The following MAPK8IP3 variants were observed in gnomAD, a reference collection of about 807,000 sequenced individuals.
MAPK8IP3 encodes C-Jun-amino-terminal kinase-interacting protein 3.
Under a neutral mutation model 157.8 loss-of-function variants are expected in MAPK8IP3, and 49 were observed. That is an observed-to-expected ratio of 0.31 (90% CI 0.25 to 0.39). The LOEUF (loss-of-function observed/expected upper bound fraction) is 0.39. MAPK8IP3 is among the 10% of genes least tolerant of loss of function. The pLI, the probability that MAPK8IP3 is intolerant of heterozygous loss-of-function variation, is 1.00. For synonymous variants in MAPK8IP3, 897 were observed against 777.7 expected (o/e 1.15, Z -2.55); for missense variants, 1,478 against 1,889.4 (o/e 0.78, Z 4.04).
intron 4 of MAPK8IP3, among the ~76,000 whole-genome samples, chr16:1,737,085 CGTGT>C (rs1429803624): frequency 1.7e-5 from 1 of 58,110 alleles, no homozygotes; most frequent in African/African-American, 6.7e-5. Flanking sequence ...TGTGACCGTC[CGTGT>C]GAGTGTGACC....
chr16:1,746,586 A>G (rs1243814715), intron 5 of MAPK8IP3: 2 of 196,124 alleles, frequency 1.0e-5, no homozygotes, highest in East Asian at 2.9e-4. Context: ...TCTTCAGCAC[A>G]GTGATGGTGA....
Position 1,706,421 on chromosome 16 carries a change from C to T in MAPK8IP3, c.82C>T (p.Arg28Trp), listed in dbSNP as rs779009331. 2 of 1,613,624 alleles carry T rather than the reference C, an allele frequency of 1.2e-6. No individual in the cohort carries two copies. Among genetic ancestry groups the T allele is most frequent in the Non-Finnish European group, 1.7e-6 (2 of 1,179,878 alleles). The change falls in exon 1 of 32, where the codon CGG becomes TGG. Residue 28 changes from arginine (R) to tryptophan (W), a missense_variant. Physicochemically the swap from Arg to Trp is moderately radical, Grantham distance 101. This residue lies in a region of MAPK8IP3 where 65 missense variants were observed against 161.8 expected (regional missense o/e 0.40). Coordinates refer to ENST00000610761, the MANE Select transcript of MAPK8IP3 (RefSeq NM_001318852.2). The surrounding 1 kb of genome is among the most constrained non-coding windows in gnomAD (Gnocchi z 5.1). ...CTGCTCCGGCTCGGTGATGTCGGAG[C>T]GGGTGTCGGGCCTGGCGGGCTCCAT... is the stretch of plus-strand genomic sequence containing the variant. The part of the protein sequence containing the change: ...DYCSGSVMSE[R>W]VSGLAGSIYR...
rs759426657 is a variant in MAPK8IP3 at position 1,762,967 on chromosome 16, T to C, written c.1859T>C (p.Ile620Thr). The stretch of plus-strand genomic sequence containing the variant: ...CGCCGCAACCATGCCATGTGCCCGA[T>C]CTCGGCAGGCAGCCGGCCCCTGGAA... ...SQRRNHAMCP[I>T]SAGSRPLEFF... The change falls in exon 16 of 32, where the codon ATC becomes ACC. Residue 620 changes from isoleucine (I) to threonine (T), a missense_variant. Coordinates refer to ENST00000610761, the MANE Select transcript of MAPK8IP3 (RefSeq NM_001318852.2). 6.2e-7 allele frequency: 1 copy of C among 1,612,918 alleles called. No homozygotes were observed. The highest frequency in any genetic ancestry group is 2.2e-5 in the East Asian group (1 of 44,878).
chr16:1,724,683 T>C lies in MAPK8IP3; in HGVS notation c.439+6T>C. ...CAAGAACTATGCCGATCAGAGTAAG[T>C]GGCTGGCGGGAGCCTGGAGGCGCGC... On this transcript the variant is annotated splice_donor_region_variant and intron_variant, in intron 2 of 31. Transcript: ENST00000610761. This position sits in a 1 kb window ranked among gnomAD's most constrained non-coding sequence, Gnocchi z 4.1. 1 of 1,609,296 alleles carries C rather than the reference T, an allele frequency of 6.2e-7. No homozygotes were observed. Among genetic ancestry groups the C allele is most frequent in the Non-Finnish European group, 8.5e-7 (1 of 1,176,862 alleles).
intron 2 of MAPK8IP3, among the ~76,000 whole-genome samples, chr16:1,728,139 TG>T (rs2039019042): frequency 6.6e-6 from 1 of 152,040 alleles, no homozygotes; most frequent in Admixed American, 6.5e-5. Flanking sequence ...GGACATAGAG[TG>T]GGGTCCCCTG....
intron 4 of MAPK8IP3, among the ~76,000 whole-genome samples, chr16:1,734,150 C>T (rs2039499969): frequency 6.6e-6 from 1 of 152,078 alleles, no homozygotes; most frequent in African/African-American, 2.4e-5. Flanking sequence ...TTACTCTGGC[C>T]CCTGGGCCTC....
Position 1,743,892 on chromosome 16 carries a change from C to T in MAPK8IP3, c.747+416C>T, listed in dbSNP as rs191663700. The T allele has an allele frequency of 2.0e-5, 21 of 1,060,006 alleles. No homozygotes were observed. The highest frequency in any genetic ancestry group is 2.9e-5 in the South Asian group (1 of 34,484). 65.7% of individuals were successfully genotyped at this position (1,060,006 alleles called of 1,614,324 possible). ...AGCCACGCCTCTACTCTCGGAGGAA[C>T]GTCAGTGTCTAGAGTGTGGGGTTTG... On this transcript the variant is annotated intron_variant, in intron 5 of 31. Transcript: ENST00000610761. This position sits in a 1 kb window ranked among gnomAD's most constrained non-coding sequence, Gnocchi z 5.6.
At position 1,706,417 on chromosome 16, in the gene MAPK8IP3, G is replaced by A. The variant is rs1281263497; in HGVS notation, c.78G>A (p.Ser26=). The A allele has an allele frequency of 2.5e-6, 4 of 1,613,536 alleles. No homozygotes were observed. Among genetic ancestry groups the A allele is most frequent in the Admixed American group, 1.7e-5 (1 of 59,994 alleles). ...QDDYCSGSVM[S]ERVSGLAGSI... ...ACTACTGCTCCGGCTCGGTGATGTC[G>A]GAGCGGGTGTCGGGCCTGGCGGGCT... is the stretch of plus-strand genomic sequence containing the variant. The change falls in exon 1 of 32, where the codon TCG becomes TCA. Residue 26 remains serine, a synonymous_variant. Coordinates refer to ENST00000610761, the MANE Select transcript of MAPK8IP3 (RefSeq NM_001318852.2). The surrounding 1 kb of genome is among the most constrained non-coding windows in gnomAD (Gnocchi z 5.1).
chr16:1,744,384 C>T (rs2040845501), intron 5 of MAPK8IP3: 1 of 985,860 alleles, frequency 1.0e-6, no homozygotes, highest in Non-Finnish European at 1.2e-6. Context: ...CCTTCCACCT[C>T]TAAGTGTCCA....
chr16:1,738,184 C>CCG (rs2040203032), intron 4 of MAPK8IP3, among the ~76,000 whole-genome samples: 1 of 60,280 alleles, frequency 1.7e-5, no homozygotes. Context: ...GTGTGAGCGT[C>CCG]CGTGAGCGTG....
intron 8 of MAPK8IP3, among the ~76,000 whole-genome samples, chr16:1,753,435 T>C (rs2041410090): frequency 1.4e-5 from 2 of 142,166 alleles, no homozygotes; most frequent in South Asian, 5.1e-4. Context: ...ATACCATTAT[T>C]TATTTATTTA....
chr16:1,751,046 G>A lies in MAPK8IP3; in HGVS notation c.1216+2326G>A, dbSNP rs565785208. On this transcript the variant is annotated intron_variant, in intron 8 of 31. Transcript: ENST00000610761. This position sits in a 1 kb window ranked among gnomAD's most constrained non-coding sequence, Gnocchi z 5.0. ...GAACACACAGTGTCAGGTCGCAGCTGCCCTTCTCATTGTGGGCGGTGTCAT... is the reference window on the plus strand; with the variant it reads ...GAACACACAGTGTCAGGTCGCAGCTACCCTTCTCATTGTGGGCGGTGTCAT... Among the ~76,000 whole-genome samples the A allele has an allele frequency of 6.6e-6, 1 of 152,358 alleles. No individual in the cohort carries two copies. Among genetic ancestry groups the A allele is most frequent in the East Asian group, 1.9e-4 (1 of 5,186 alleles).
chr16:1,753,631 C>A (rs1446385958), intron 8 of MAPK8IP3, among the ~76,000 whole-genome samples: 1 of 151,368 alleles, frequency 6.6e-6, no homozygotes, highest in Non-Finnish European at 1.5e-5. Flanking sequence ...TTAGTAGAGA[C>A]GGGGTTTCAC....
chr16:1,729,480 C>T lies in MAPK8IP3; in HGVS notation c.511-7C>T, dbSNP rs749868919. On this transcript the variant is annotated splice_polypyrimidine_tract_variant and splice_region_variant and intron_variant, in intron 3 of 31. Transcript: ENST00000610761. The stretch of plus-strand genomic sequence containing the variant: ...CAGCGCTAATGCAGGCGTTTCCCTC[C>T]TCGCAGATGATACAGACCTACGTGG... 3.1e-6 allele frequency: 5 copies of T among 1,611,902 alleles called. No individual in the cohort carries two copies. The Admixed American group carries it at 8.4e-5, about 27-fold the overall frequency.
intron 2 of MAPK8IP3, among the ~76,000 whole-genome samples, 161 bp from the exon 3 acceptor site, chr16:1,728,977 G>A (rs1175017321): frequency 6.6e-6 from 1 of 152,224 alleles, no homozygotes; most frequent in Non-Finnish European, 1.5e-5. Context: ...GCACACAGCA[G>A]TCTCCCAGAC....
rs1039501612 is a variant in MAPK8IP3, at chr16:1,761,368, G to A, written c.1539+63G>A. 4.0e-5 allele frequency: 59 copies of A among 1,466,278 alleles called. No homozygotes were observed. In the Middle Eastern group the frequency reaches 8.6e-4, roughly 21 times the overall value. 90.8% of individuals were successfully genotyped at this position (1,466,278 alleles called of 1,614,324 possible). A position where few individuals can be genotyped will look rare whatever the true frequency, so the allele number is the denominator to read the frequency against. On this transcript the variant is annotated intron_variant, in intron 13 of 31. Transcript: ENST00000610761. ...ACCATTCACTTTTCACAGGCGGGGC[G>A]GCCACCGTTCACCATTCACACACAG...
At chr16:1,712,296 C>T (rs899975957) in intron 1 of MAPK8IP3, among the ~76,000 whole-genome samples, 3 of 151,884 alleles carry the variant, frequency 2.0e-5, no homozygotes, top group East Asian at 1.9e-4. Context: ...CTGCTGACCT[C>T]GTGATCCACC....
intron 2 of MAPK8IP3, among the ~76,000 whole-genome samples, chr16:1,725,442 A>T (rs1212909458): frequency 6.6e-6 from 1 of 151,206 alleles, no homozygotes; most frequent in Non-Finnish European, 1.5e-5. Context: ...AGCCTGGCCA[A>T]CATGGCGAAA....
chr16:1,729,003 G>C lies in MAPK8IP3; in HGVS notation c.440-135G>C, dbSNP rs959361965. 5.1e-6 allele frequency: 4 copies of C among 786,084 alleles called. No individual in the cohort carries two copies. The South Asian group carries it at 6.1e-5, about 12-fold the overall frequency. 48.7% of individuals were successfully genotyped at this position (786,084 alleles called of 1,614,324 possible). A position where few individuals can be genotyped will look rare whatever the true frequency, so the allele number is the denominator to read the frequency against. On this transcript the variant is annotated intron_variant, in intron 2 of 31. Transcript: ENST00000610761. ...TCTCCCAGACGGCCTTGCACTTGCC[G>C]GGCTGCTGCTGGTTGCCTCAGGACC...
Sources: gnomAD v4.1 joint callset for allele counts (sites outside exome capture counted in the v4.1 genomes callset) on GRCh38, gnomAD v4.1.1 for gene constraint, gnomAD v4.1.1 regional missense constraint, Gnocchi (gnomAD v3.1) non-coding constraint, MANE v1.5 for transcripts, NCBI Gene and HGNC (gene_info 2026-07-23, HGNC 2026-07-21) for gene names.